Variants in RNLS observed in about 807,000 individuals in gnomAD.
The protein encoded by RNLS is renalase.
A neutral mutation model predicts 39.8 loss-of-function variants in RNLS; 39 were observed. The observed-to-expected ratio is 0.98, with a 90% CI of 0.76 to 1.28. The LOEUF is 1.28. Among genes scored for constraint, RNLS ranks in the 50% most tolerant of loss-of-function variants. RNLS has a pLI of 0.00. For missense variants in RNLS, 410 were observed against 413.3 expected, an observed-to-expected ratio of 0.99 and a Z score of 0.07; for synonymous variants, 147 against 150.7, an observed-to-expected ratio of 0.98 and a Z score of 0.18.
intron 4 of RNLS, among the ~76,000 whole-genome samples, chr10:88,429,847 T>C (rs1258780007): frequency 6.6e-6 from 1 of 151,922 alleles, no homozygotes; most frequent in Non-Finnish European, 1.5e-5. Flanking sequence ...ATCAATTGTC[T>C]ATATACAAGT....
At chr10:88,273,453 G>T (rs1309585772), downstream of RNLS, among the ~76,000 whole-genome samples, 1 of 151,976 alleles carries the variant, frequency 6.6e-6, no homozygotes, top group Non-Finnish European at 1.5e-5. Context: ...TACATATTGT[G>T]GGTTTTCTCT....
At chr10:88,174,979 AATTTT>A in the RNLS span, among the ~76,000 whole-genome samples, 1 of 152,144 alleles carries the variant, frequency 6.6e-6, no homozygotes, top group East Asian at 1.9e-4. Context: ...TTCCTAGTTC[AATTTT>A]GTTAGCTTAT....
At position 88,390,863 on chromosome 10, in the gene RNLS, T is replaced by A. The variant is rs1033592410; in HGVS notation, c.527-28138A>T. On this transcript the variant is annotated intron_variant, in intron 4 of 6. Transcript: ENST00000331772. ...CCCACCAACTATTCATGTAGATTTT[T>A]AAAAAATCTGTATGTAATGATTTAA... is the stretch of plus-strand genomic sequence containing the variant. Among the ~76,000 whole-genome samples the A allele has an allele frequency of 8.5e-5, 13 of 152,290 alleles. No homozygotes were observed. The East Asian group carries it at 2.5e-3, about 29-fold the overall frequency.
At chr10:88,304,578 G>A (rs1361464483) in intron 6 of RNLS, among the ~76,000 whole-genome samples, 1 of 152,180 alleles carries the variant, frequency 6.6e-6, no homozygotes, top group Non-Finnish European at 1.5e-5. Context: ...AGACCAAGTG[G>A]AGGAAAGAAT....
At chr10:88,402,848 A>T (rs1206981731) in intron 4 of RNLS, among the ~76,000 whole-genome samples, 1 of 152,066 alleles carries the variant, frequency 6.6e-6, no homozygotes, top group Non-Finnish European at 1.5e-5. Flanking sequence ...ATTAGTTAAC[A>T]AGTGGAATGT....
At position 88,500,010 on chromosome 10, in the gene RNLS, A is replaced by G. The variant is rs190404561; in HGVS notation, c.526+72893T>C. ...AGGTGAGGCTTGGAGAAAGAATTCTAAGAATGTATGATTGTAAGTAGCCTT... is the reference window on the plus strand; with the variant it reads ...AGGTGAGGCTTGGAGAAAGAATTCTGAGAATGTATGATTGTAAGTAGCCTT... On this transcript the variant is annotated intron_variant, in intron 4 of 6. Coordinates refer to ENST00000331772, the MANE Select transcript of RNLS (RefSeq NM_001031709.3). 2.4e-4 allele frequency among the ~76,000 whole-genome samples: 37 copies of G among 152,264 alleles called. No homozygotes were observed. In the East Asian group the frequency reaches 6.6e-3, roughly 27 times the overall value.
At chr10:88,573,854 T>C (rs1488745194) in intron 3 of RNLS, among the ~76,000 whole-genome samples, 3 of 152,120 alleles carry the variant, frequency 2.0e-5, no homozygotes, top group African/African-American at 4.8e-5. Context: ...AATAATGAAT[T>C]ATGAGGCCAG....
chr10:88,263,247 T>C, the RNLS span, among the ~76,000 whole-genome samples: 1 of 152,070 alleles, frequency 6.6e-6, no homozygotes, highest in East Asian at 1.9e-4. Flanking sequence ...TTTGAGCAGG[T>C]AGGATGTGAT....
the RNLS span, among the ~76,000 whole-genome samples, chr10:88,242,539 T>C: frequency 2.0e-5 from 3 of 152,282 alleles, no homozygotes; most frequent in African/African-American, 7.2e-5. Flanking sequence ...AAAAAAAATC[T>C]CTGTTTTTTT....
chr10:88,405,929 T>C (rs1482144452), intron 4 of RNLS, among the ~76,000 whole-genome samples: 1 of 152,114 alleles, frequency 6.6e-6, no homozygotes, highest in Non-Finnish European at 1.5e-5. Context: ...TAATGGCAAA[T>C]TATCTCAGCA....
At chr10:88,427,681 A>C (rs1854872764) in intron 4 of RNLS, among the ~76,000 whole-genome samples, 1 of 152,046 alleles carries the variant, frequency 6.6e-6, no homozygotes, top group Non-Finnish European at 1.5e-5. Context: ...AGGAAAATGT[A>C]TCAACAACTC....
At chr10:88,347,637 T>C (rs1848398424) in intron 5 of RNLS, among the ~76,000 whole-genome samples, 1 of 151,910 alleles carries the variant, frequency 6.6e-6, no homozygotes, top group Non-Finnish European at 1.5e-5. Flanking sequence ...ATGATGGATA[T>C]AAAGCAACTG....
intron 5 of RNLS, among the ~76,000 whole-genome samples, chr10:88,317,973 A>G (rs1845890279): frequency 1.3e-5 from 2 of 152,312 alleles, no homozygotes; most frequent in South Asian, 4.2e-4. Context: ...TGCCCTCTGG[A>G]TCACGGGCAA....
Position 88,369,897 on chromosome 10 carries a change from G to A in RNLS, c.527-7172C>T, listed in dbSNP as rs188661890. Among the ~76,000 whole-genome samples the A allele has an allele frequency of 7.7e-4, 117 of 152,238 alleles. 1 individual carries two copies. The South Asian group carries it at 9.1e-3, about 12-fold the overall frequency. ...GACAGGATTTCACCATGTTGGCCAG[G>A]CTGGTTTTGAACTCCTGACCTCAAA... is the stretch of plus-strand genomic sequence containing the variant. On this transcript the variant is annotated intron_variant, in intron 4 of 6. Coordinates refer to ENST00000331772, the MANE Select transcript of RNLS (RefSeq NM_001031709.3).
At chr10:88,346,141 A>G (rs6586126) in intron 5 of RNLS, among the ~76,000 whole-genome samples, 116,745 of 152,012 alleles carry the variant, frequency 0.77, 45,711 homozygotes, top group East Asian at 0.98. Flanking sequence ...TGGCACATTT[A>G]CAGAGCTTAT....
intron 5 of RNLS, among the ~76,000 whole-genome samples, chr10:88,328,182 A>G (rs1846780639): frequency 6.6e-6 from 1 of 152,256 alleles, no homozygotes; most frequent in Non-Finnish European, 1.5e-5. Flanking sequence ...TGCTGGGATT[A>G]TAGGCAGAAG....
chr10:88,288,074 T>C (rs1030869857), intron 6 of RNLS, among the ~76,000 whole-genome samples: 3 of 152,280 alleles, frequency 2.0e-5, no homozygotes, highest in African/African-American at 7.2e-5. Context: ...CCTACAATCA[T>C]TAATGTTCAC....
At chr10:88,356,888 C>A (rs1050483392) in intron 5 of RNLS, among the ~76,000 whole-genome samples, 8 of 151,802 alleles carry the variant, frequency 5.3e-5, no homozygotes, top group African/African-American at 1.9e-4. Context: ...CAGATTGCTG[C>A]CTATTGGCTA....
At chr10:88,337,997 G>A (rs1847637656) in intron 5 of RNLS, among the ~76,000 whole-genome samples, 1 of 152,086 alleles carries the variant, frequency 6.6e-6, no homozygotes, top group South Asian at 2.1e-4. Flanking sequence ...TAGAAAGCAT[G>A]ACCAAATAAT....
Sources: gnomAD v4.1 joint callset for allele counts (sites outside exome capture counted in the v4.1 genomes callset) on GRCh38, gnomAD v4.1.1 for gene constraint, MANE v1.5 for transcripts, NCBI Gene and HGNC (gene_info 2026-07-23, HGNC 2026-07-21) for gene names.